DNM3: variants seen among roughly 807,000 people sequenced by gnomAD.
DNM3 encodes dynamin-3.
A neutral mutation model predicts 101.6 loss-of-function variants in DNM3; 47 were observed. That is an observed-to-expected ratio of 0.46 (90% CI 0.37 to 0.59). DNM3 has a LOEUF of 0.59. Ranked by LOEUF, DNM3 falls within the 20% of genes least tolerant of loss-of-function variation. The pLI, the probability that DNM3 is intolerant of heterozygous loss-of-function variation, is 0.00. For missense variants in DNM3, 849 were observed against 1,085.7 expected (o/e 0.78, Z 3.06); for synonymous variants, 385 against 387.9 (o/e 0.99, Z 0.09).
At chr1:172,119,086 G>A (rs1045635289) in intron 13 of DNM3, among the ~76,000 whole-genome samples, 10 of 151,344 alleles carry the variant, frequency 6.6e-5, no homozygotes, top group African/African-American at 2.2e-4. Context: ...TCCGCCTCCC[G>A]GGTTCAAGCG....
intron 4 of DNM3, among the ~76,000 whole-genome samples, chr1:172,010,252 A>G (rs1046137947): frequency 3.9e-5 from 6 of 151,928 alleles, no homozygotes; most frequent in Non-Finnish European, 5.9e-5. Context: ...AAAATGAGAA[A>G]GAAATATTCT....
intron 15 of DNM3, among the ~76,000 whole-genome samples, chr1:172,262,559 A>G (rs571772813): frequency 1.1e-4 from 16 of 152,160 alleles, no homozygotes; most frequent in African/African-American, 3.9e-4. Flanking sequence ...GCCACTCCAG[A>G]CCCTCAGCTG....
downstream of DNM3, chr1:172,412,796 G>C (rs1236280609): frequency 2.1e-6 from 2 of 939,182 alleles, no homozygotes; most frequent in Non-Finnish European, 2.5e-6. Context: ...AATATTTATA[G>C]CTCTTTTGAT....
intron 2 of DNM3, among the ~76,000 whole-genome samples, chr1:171,962,317 T>C (rs949041879): frequency 2.6e-5 from 4 of 152,162 alleles, no homozygotes; most frequent in African/African-American, 9.7e-5. Flanking sequence ...ATTCCACCTA[T>C]ATGAAATACT....
intron 2 of DNM3, among the ~76,000 whole-genome samples, chr1:171,951,664 C>T (rs1458693258): frequency 6.6e-6 from 1 of 152,130 alleles, no homozygotes; most frequent in African/African-American, 2.4e-5. Flanking sequence ...CCCCCAACAT[C>T]CTTACTGAAT....
chr1:172,133,630 T>C (rs2057060298), intron 14 of DNM3, among the ~76,000 whole-genome samples: 1 of 152,142 alleles, frequency 6.6e-6, no homozygotes, highest in South Asian at 2.1e-4. Flanking sequence ...TGTCAGATAG[T>C]AAATGCTCTG....
At chr1:172,181,398 A>G (rs559173) in intron 14 of DNM3, among the ~76,000 whole-genome samples, 35,620 of 151,426 alleles carry the variant, frequency 0.24, 7,013 homozygotes, top group African/African-American at 0.54. Context: ...ACACACACAC[A>G]CACACACACA....
intron 20 of DNM3, among the ~76,000 whole-genome samples, chr1:172,400,441 AAGGAGGGAAGGAGGGAAGGGGCAGGAC>A (rs1470781701): frequency 6.6e-6 from 1 of 151,910 alleles, no homozygotes; most frequent in Non-Finnish European, 1.5e-5. Flanking sequence ...AGGGGCAGGA[AAGGAGGGAAGGAGGGAAGGGGCAGGAC>A]AGGAGAAAAG....
At chr1:171,863,750 A>G (rs1178836297) in intron 1 of DNM3, among the ~76,000 whole-genome samples, 3 of 152,162 alleles carry the variant, frequency 2.0e-5, no homozygotes, top group Admixed American at 6.6e-5. Flanking sequence ...ATAGCGTTAC[A>G]CATGTTCCCC....
intron 1 of DNM3, among the ~76,000 whole-genome samples, chr1:171,846,925 G>T (rs1250551605): frequency 6.6e-6 from 1 of 152,162 alleles, no homozygotes; most frequent in Non-Finnish European, 1.5e-5. Flanking sequence ...TTCCTTACCT[G>T]TTTCCATATC....
rs1041376622 is a variant in DNM3, at chr1:171,929,161, A to G, written c.235+7340A>G. Among the ~76,000 whole-genome samples, 5 of 152,088 alleles carry G rather than the reference A, an allele frequency of 3.3e-5. No individual in the cohort carries two copies. In the East Asian group the frequency reaches 7.8e-4, roughly 24 times the overall value. Reference sequence around the variant, plus strand: ...CTGCTTTAGCCCCTGGTTGCCTCAGACACTCCAAAGCCTGAAGGCTAGAAT... The same window carrying G: ...CTGCTTTAGCCCCTGGTTGCCTCAGGCACTCCAAAGCCTGAAGGCTAGAAT... On this transcript the variant is annotated intron_variant, in intron 2 of 20. Transcript: ENST00000627582.
chr1:171,950,967 C>T (rs1272539970), intron 2 of DNM3, among the ~76,000 whole-genome samples: 4 of 152,156 alleles, frequency 2.6e-5, no homozygotes, highest in South Asian at 2.1e-4. Flanking sequence ...TCCTCTTCCT[C>T]CTCCATTTTT....
chr1:172,417,620 G>C (rs547407497), downstream of DNM3, among the ~76,000 whole-genome samples: 5 of 152,258 alleles, frequency 3.3e-5, 1 homozygote, highest in South Asian at 6.2e-4. Flanking sequence ...GGTTGCCATG[G>C]ACCAGACCTT....
chr1:171,845,519 A>G (rs1359599175), intron 1 of DNM3, among the ~76,000 whole-genome samples: 1 of 152,186 alleles, frequency 6.6e-6, no homozygotes, highest in Non-Finnish European at 1.5e-5. Context: ...GTGCCACTGC[A>G]CTCCGGCATG....
chr1:172,414,524 A>T (rs1359320906), downstream of DNM3, among the ~76,000 whole-genome samples: 1 of 152,238 alleles, frequency 6.6e-6, no homozygotes, highest in Non-Finnish European at 1.5e-5. Flanking sequence ...TTATTTGACC[A>T]TAGAACATCT....
chr1:172,314,056 T>G (rs2065200315), intron 16 of DNM3, among the ~76,000 whole-genome samples: 1 of 151,002 alleles, frequency 6.6e-6, no homozygotes, highest in Non-Finnish European at 1.5e-5. Flanking sequence ...TGGCAACTCC[T>G]CAAGGATCTA....
chr1:172,238,295 G>A (rs1004750284), intron 14 of DNM3, among the ~76,000 whole-genome samples: 2 of 152,134 alleles, frequency 1.3e-5, no homozygotes, highest in Admixed American at 6.6e-5. Context: ...GCTGGGAGAA[G>A]CTGTCAAGAG....
chr1:172,194,317 C>G (rs2059861879), intron 14 of DNM3, among the ~76,000 whole-genome samples: 1 of 152,120 alleles, frequency 6.6e-6, no homozygotes. Flanking sequence ...TGATGTGGTG[C>G]TGAGAAGAAT....
chr1:172,102,220 A>T (rs2054699266), intron 13 of DNM3, among the ~76,000 whole-genome samples: 2 of 152,188 alleles, frequency 1.3e-5, no homozygotes, highest in East Asian at 3.8e-4. Flanking sequence ...GCTTTATAGA[A>T]ATTAATCTGA....
Sources: gnomAD v4.1 joint callset for allele counts (sites outside exome capture counted in the v4.1 genomes callset) on GRCh38, gnomAD v4.1.1 for gene constraint, MANE v1.5 for transcripts, NCBI Gene and HGNC (gene_info 2026-07-23, HGNC 2026-07-21) for gene names.